SMIM36: variants seen among roughly 807,000 people sequenced by gnomAD.
SMIM36 encodes the protein small integral membrane protein 36.
At chr17:55,525,550 C>T in the SMIM36 span, among the ~76,000 whole-genome samples, 1 of 152,190 alleles carries the variant, frequency 6.6e-6, no homozygotes, top group Non-Finnish European at 1.5e-5. Context: ...TAAGATTTAA[C>T]TTTTCACCAG....
At chr17:55,523,079 A>T in the SMIM36 span, among the ~76,000 whole-genome samples, 1 of 152,218 alleles carries the variant, frequency 6.6e-6, no homozygotes, top group Non-Finnish European at 1.5e-5. Context: ...GATTTCCAGA[A>T]TTCATATATT....
the SMIM36 span, among the ~76,000 whole-genome samples, chr17:55,519,339 G>T: frequency 6.6e-6 from 1 of 152,124 alleles, no homozygotes; most frequent in African/African-American, 2.4e-5. Context: ...ACTGGGTAAG[G>T]AGGGATATGA....
At chr17:55,471,873 C>T (rs1229099345) in intron 3 of SMIM36, among the ~76,000 whole-genome samples, 4 of 152,200 alleles carry the variant, frequency 2.6e-5, no homozygotes, top group Admixed American at 6.5e-5. Flanking sequence ...AGGCAGCAGC[C>T]GCCTCTTTAA....
chr17:55,450,018 C>T (rs953859181), exon 5 of SMIM36: 3 of 152,134 alleles, frequency 2.0e-5, no homozygotes, highest in Admixed American at 6.5e-5. Flanking sequence ...CTTTATATGA[C>T]ATAAGATATG....
upstream of SMIM36, among the ~76,000 whole-genome samples, chr17:55,513,382 A>T (rs1910215225): frequency 6.6e-6 from 1 of 152,226 alleles, no homozygotes; most frequent in Non-Finnish European, 1.5e-5. Flanking sequence ...AGTCCGACAG[A>T]TTCAGAGAAT....
the SMIM36 span, among the ~76,000 whole-genome samples, chr17:55,524,133 C>G: frequency 6.6e-6 from 1 of 152,238 alleles, no homozygotes; most frequent in East Asian, 1.9e-4. Flanking sequence ...TCTATAAATT[C>G]TCATCATTCA....
the SMIM36 span, among the ~76,000 whole-genome samples, chr17:55,529,931 C>A: frequency 1.3e-5 from 2 of 152,374 alleles, no homozygotes; most frequent in Admixed American, 1.3e-4. Context: ...GTAAGTGCAT[C>A]CTCAGCCATC....
the SMIM36 span, among the ~76,000 whole-genome samples, chr17:55,530,064 C>T: frequency 6.6e-6 from 1 of 152,044 alleles, no homozygotes; most frequent in Non-Finnish European, 1.5e-5. Context: ...CCTCCTAAGC[C>T]CTAGCGAGGA....
At chr17:55,501,424 T>C (rs1250786532) in intron 1 of SMIM36, among the ~76,000 whole-genome samples, 1 of 69,058 alleles carries the variant, frequency 1.4e-5, no homozygotes, top group East Asian at 6.0e-4. Context: ...TAAAATATAA[T>C]ATATTATTAT....
chr17:55,511,788 A>G (rs1439816302), upstream of SMIM36, among the ~76,000 whole-genome samples: 4 of 152,224 alleles, frequency 2.6e-5, no homozygotes, highest in Non-Finnish European at 5.9e-5. Flanking sequence ...GTATGGAGTG[A>G]TTTGGAAGAT....
chr17:55,515,642 A>G (rs1910263289), upstream of SMIM36, among the ~76,000 whole-genome samples: 1 of 152,180 alleles, frequency 6.6e-6, no homozygotes, highest in South Asian at 2.1e-4. Context: ...GGAGCGAGAC[A>G]TCTTGCAAGC....
chr17:55,475,751 A>ATAAC (rs1482248864), intron 3 of SMIM36, among the ~76,000 whole-genome samples: 7 of 152,242 alleles, frequency 4.6e-5, no homozygotes, highest in African/African-American at 1.7e-4. Flanking sequence ...TAGTCCTTTA[A>ATAAC]TAACTGTTTT....
intron 1 of SMIM36, among the ~76,000 whole-genome samples, chr17:55,491,761 A>G (rs1258863332): frequency 6.6e-6 from 1 of 152,200 alleles, no homozygotes; most frequent in Non-Finnish European, 1.5e-5. Context: ...TCAAAGATGA[A>G]GTAAAGCTGA....
intron 1 of SMIM36, among the ~76,000 whole-genome samples, chr17:55,501,544 A>G (rs1024860527): frequency 8.3e-6 from 1 of 120,724 alleles, no homozygotes; most frequent in African/African-American, 3.2e-5. Context: ...ATTATATACA[A>G]TATTATATAT....
chr17:55,512,527 C>T (rs1176337213), upstream of SMIM36, among the ~76,000 whole-genome samples: 2 of 152,214 alleles, frequency 1.3e-5, no homozygotes, highest in Admixed American at 6.5e-5. Flanking sequence ...AGATACTGAT[C>T]GGATTACAGT....
At chr17:55,456,995 G>C (rs1378434643) in intron 4 of SMIM36, among the ~76,000 whole-genome samples, 1 of 152,182 alleles carries the variant, frequency 6.6e-6, no homozygotes, top group Non-Finnish European at 1.5e-5. Context: ...CAGATTTCCT[G>C]TGTGAGAGGA....
intron 3 of SMIM36, among the ~76,000 whole-genome samples, chr17:55,477,386 A>G (rs1909442616): frequency 6.6e-6 from 1 of 152,146 alleles, no homozygotes; most frequent in Non-Finnish European, 1.5e-5. Flanking sequence ...TTAGAGATGC[A>G]TCATTCCAGA....
At chr17:55,461,199 T>C (rs1909143186) in intron 4 of SMIM36, among the ~76,000 whole-genome samples, 1 of 152,194 alleles carries the variant, frequency 6.6e-6, no homozygotes, top group African/African-American at 2.4e-5. Flanking sequence ...GCGTTCAATT[T>C]TCCAAACACC....
chr17:55,499,422 T>C (rs1403270982), intron 1 of SMIM36, among the ~76,000 whole-genome samples: 2 of 152,192 alleles, frequency 1.3e-5, no homozygotes, highest in African/African-American at 4.8e-5. Context: ...TGCATGGCCT[T>C]GTGCACACTC....
Sources: allele counts gnomAD v4.1 joint callset (sites outside exome capture counted in the v4.1 genomes callset), GRCh38; gene constraint gnomAD v4.1.1; transcripts MANE v1.5; gene names NCBI Gene and HGNC (gene_info 2026-07-23, HGNC 2026-07-21).